The following PRSS41 variants were observed in gnomAD, a reference collection of about 807,000 sequenced individuals.
PRSS41 encodes protease, serine 41.
A neutral mutation model predicts 28.8 loss-of-function variants in PRSS41; 37 were observed. The observed-to-expected ratio is 1.29, with a 90% CI of 0.99 to 1.69. The LOEUF (loss-of-function observed/expected upper bound fraction) is 1.69, where lower values mean the gene tolerates loss of function less well. Ranked by LOEUF, PRSS41 falls within the 40% of genes most tolerant of loss-of-function variation. The probability of loss-of-function intolerance (pLI) is 0.00; values close to 1 mark genes in which losing one functional copy is unlikely to be tolerated. For synonymous variants in PRSS41, 195 were observed against 163.1 expected (o/e 1.20, Z -1.49); for missense variants, 431 against 400.7 (o/e 1.08, Z -0.65).
rs569646881 is a variant in PRSS41, at chr16:2,803,359, AT to A, written c.542-1028del. Among the ~76,000 whole-genome samples the A allele has an allele frequency of 9.2e-5, 14 of 151,622 alleles. No homozygotes were observed. In the South Asian group the frequency reaches 2.3e-3, roughly 25 times the overall value. On this transcript the variant is annotated intron_variant, in intron 4 of 5. Transcript: ENST00000399677. ...TGCTTTGTTAGTGGTTGCTCTAGGG[AT>A]TACAATTAACATCTAAACCTTATAA...
chr16:2,804,764 C>T, intron 5 of PRSS41, 150 bp from the exon 6 acceptor site: 1 of 811,002 alleles, frequency 1.2e-6, no homozygotes, highest in Non-Finnish European at 2.0e-6. Flanking sequence ...TGTTGCCCCA[C>T]TTTGAAAGTG....
intron 4 of PRSS41, among the ~76,000 whole-genome samples, chr16:2,802,254 G>A (rs1264733536): frequency 6.7e-6 from 1 of 148,558 alleles, no homozygotes; most frequent in African/African-American, 2.5e-5. Flanking sequence ...GGGCGGCGGG[G>A]CAGAGGCGCT....
Position 2,804,911 on chromosome 16 carries a change from C to G in PRSS41, c.700-3C>G. ...GCCTGGGCTCACCCATGCTGCTCCCCAGGGTGACTCAGGTGGACCCTTGGT... is the reference window on the plus strand; with the variant it reads ...GCCTGGGCTCACCCATGCTGCTCCCGAGGGTGACTCAGGTGGACCCTTGGT... On this transcript the variant is annotated splice_polypyrimidine_tract_variant and splice_region_variant and intron_variant, in intron 5 of 5. Coordinates refer to ENST00000399677, the Ensembl canonical transcript of PRSS41. 1.3e-6 allele frequency: 2 copies of G among 1,578,260 alleles called. No individual in the cohort carries two copies. The highest frequency in any genetic ancestry group is 1.7e-6 in the Non-Finnish European group (2 of 1,161,922).
chr16:2,802,435 C>T (rs1452522760), intron 4 of PRSS41, among the ~76,000 whole-genome samples: 12 of 149,080 alleles, frequency 8.0e-5, no homozygotes, highest in East Asian at 2.0e-4. Context: ...ACATCCCAGA[C>T]GATGGGCGGC....
rs1174234146 is a variant in PRSS41, at chr16:2,802,262, G to A, written c.542-2127G>A. The stretch of plus-strand genomic sequence containing the variant: ...CCAGATGGGGCGGCGGGGCAGAGGC[G>A]CTCCCCACATCTCAGACGATGGGCG... On this transcript the variant is annotated intron_variant, in intron 4 of 5. Coordinates refer to ENST00000399677, the Ensembl canonical transcript of PRSS41. Among the ~76,000 whole-genome samples, 62 of 149,588 alleles carry A rather than the reference G, an allele frequency of 4.1e-4. 1 individual carries two copies. The highest frequency in any genetic ancestry group is 1.5e-3 in the African/African-American group (61 of 40,394).
intron 4 of PRSS41, among the ~76,000 whole-genome samples, chr16:2,800,685 C>T (rs2068980317): frequency 6.6e-6 from 1 of 152,048 alleles, no homozygotes; most frequent in Admixed American, 6.5e-5. Context: ...CATGACTGTA[C>T]ACTACTGTAG....
At chr16:2,801,627 G>C (rs2068986704) in intron 4 of PRSS41, among the ~76,000 whole-genome samples, 2 of 151,276 alleles carry the variant, frequency 1.3e-5, no homozygotes, top group Non-Finnish European at 3.0e-5. Flanking sequence ...AGTGGACACA[G>C]CACATGTTTC....
At chr16:2,802,896 G>C (rs993076881) in intron 4 of PRSS41, among the ~76,000 whole-genome samples, 5 of 146,186 alleles carry the variant, frequency 3.4e-5, no homozygotes, top group African/African-American at 1.4e-4. Flanking sequence ...GGAGAGGGAC[G>C]TTCTTGGACT....
chr16:2,801,414 A>G (rs2068985418), intron 4 of PRSS41, among the ~76,000 whole-genome samples: 2 of 149,858 alleles, frequency 1.3e-5, no homozygotes, highest in Non-Finnish European at 1.5e-5. Context: ...GTCATGGGAC[A>G]ATAGTGGAGG....
At chr16:2,799,291 A>G in exon 4 of PRSS41, 1 of 1,551,418 alleles carries the variant, frequency 6.4e-7, no homozygotes, top group African/African-American at 1.4e-5. Flanking sequence ...GCTAGGCACT[A>G]CTATCCCTCC....
chr16:2,799,677 C>A, intron 4 of PRSS41, 108 bp downstream of exon 4: 2 of 1,162,918 alleles, frequency 1.7e-6, no homozygotes, highest in Non-Finnish European at 1.2e-6. Context: ...TGGTCTGGGG[C>A]TGCAACCTGC....
exon 3 of PRSS41, chr16:2,798,985 G>A: frequency 6.8e-7 from 1 of 1,481,012 alleles, no homozygotes; most frequent in Non-Finnish European, 9.0e-7. Context: ...GGAAATTCAC[G>A]CGCTGGTGGC....
Position 2,798,499 on chromosome 16 carries a change from GGCGC to G in PRSS41, c.16_19del (p.Ala6CysfsTer55). 1.5e-6 allele frequency: 2 copies of G among 1,306,400 alleles called. No individual in the cohort carries two copies. The highest frequency in any genetic ancestry group is 4.3e-5 in the Admixed American group (2 of 46,022). 80.9% of individuals were successfully genotyped at this position (1,306,400 alleles called of 1,614,324 possible). On this transcript the variant is annotated frameshift_variant, in exon 1 of 6. Coordinates refer to ENST00000399677, the Ensembl canonical transcript of PRSS41. LOFTEE classifies it high-confidence loss of function. ...GAGAGGAGGCCATGGGCGCGCGCGG[GGCGC>G]TGCTGCTGGCGCTGCTGCTGGCTCG...
chr16:2,804,593 C>T, intron 5 of PRSS41, 47 bp downstream of exon 5: 3 of 1,514,528 alleles, frequency 2.0e-6, no homozygotes, highest in Non-Finnish European at 2.7e-6. Context: ...TCCAGCTCTA[C>T]ACCTGAGAGC....
chr16:2,802,688 C>T (rs920254844), intron 4 of PRSS41, among the ~76,000 whole-genome samples: 26 of 152,344 alleles, frequency 1.7e-4, no homozygotes, highest in African/African-American at 5.5e-4. Flanking sequence ...GAGACCGGCC[C>T]GGCCAACACA....
At chr16:2,801,093 C>T (rs1321996258) in intron 4 of PRSS41, among the ~76,000 whole-genome samples, 1 of 152,196 alleles carries the variant, frequency 6.6e-6, no homozygotes, top group Non-Finnish European at 1.5e-5. Context: ...CCCACCTCGG[C>T]CTCCCAAAGT....
chr16:2,799,342 C>T, exon 4 of PRSS41: 1 of 1,551,788 alleles, frequency 6.4e-7, no homozygotes, highest in Non-Finnish European at 8.7e-7. Context: ...TCCAGGCCAA[C>T]TCCTTGGAAC....
chr16:2,799,166 C>T, intron 3 of PRSS41, 42 bp downstream of exon 3: 2 of 1,505,860 alleles, frequency 1.3e-6, no homozygotes, highest in South Asian at 1.3e-5. Context: ...TTGCTAATGG[C>T]CTCCAGGATG....
intron 4 of PRSS41, among the ~76,000 whole-genome samples, chr16:2,801,512 A>G (rs939163325): frequency 1.3e-4 from 19 of 151,502 alleles, no homozygotes; most frequent in African/African-American, 4.1e-4. Context: ...TGTGTCCCTG[A>G]TTACTTGAGA....
Sources: gnomAD v4.1 joint callset for allele counts (sites outside exome capture counted in the v4.1 genomes callset) on GRCh38, gnomAD v4.1.1 for gene constraint, MANE v1.5 for transcripts, NCBI Gene and HGNC (gene_info 2026-07-23, HGNC 2026-07-21) for gene names.